Variants in ZNF248 observed in about 807,000 individuals in gnomAD.
The protein encoded by ZNF248 is zinc finger protein 248.
A neutral mutation model predicts 44.3 loss-of-function variants in ZNF248; 20 were observed. The observed-to-expected ratio is 0.45, with a 90% CI of 0.32 to 0.66. ZNF248 has a LOEUF of 0.66. ZNF248 is among the 30% of genes least tolerant of loss of function. The pLI is 0.04. For missense variants in ZNF248, 654 were observed against 677.0 expected (o/e 0.97, Z 0.38); for synonymous variants, 224 against 229.0 (o/e 0.98, Z 0.20).
chr10:37,785,571 T>G (rs1046996665), intron 6 of ZNF248, among the ~76,000 whole-genome samples: 1 of 152,216 alleles, frequency 6.6e-6, no homozygotes, highest in Non-Finnish European at 1.5e-5. Flanking sequence ...CAGAGTTCAA[T>G]AGAGATCTTT....
At chr10:37,763,751 C>T in the ZNF248 span, among the ~76,000 whole-genome samples, 6 of 152,300 alleles carry the variant, frequency 3.9e-5, no homozygotes, top group Middle Eastern at 3.4e-3. Context: ...GGCAGAAGAA[C>T]ATAAATTGTG....
At chr10:37,785,586 C>T (rs1188021205) in intron 6 of ZNF248, among the ~76,000 whole-genome samples, 2 of 152,186 alleles carry the variant, frequency 1.3e-5, no homozygotes, top group Non-Finnish European at 2.9e-5. Flanking sequence ...ATCTTTCTCT[C>T]TCAGCCAAGA....
chr10:37,817,328 T>A (rs1160992971), intron 6 of ZNF248, among the ~76,000 whole-genome samples: 2 of 151,946 alleles, frequency 1.3e-5, no homozygotes, highest in Non-Finnish European at 2.9e-5. Context: ...AAGAACCACT[T>A]CCAAAGACCT....
intron 3 of ZNF248, among the ~76,000 whole-genome samples, chr10:37,839,221 G>C (rs771161712): frequency 6.6e-6 from 1 of 152,176 alleles, no homozygotes; most frequent in Non-Finnish European, 1.5e-5. Context: ...TTTTACGTGC[G>C]TTGTCACATG....
rs560233984 is a variant in ZNF248 at position 37,800,165 on chromosome 10, T to C, written c.331-23590A>G. 1.1e-4 allele frequency among the ~76,000 whole-genome samples: 16 copies of C among 152,316 alleles called. No homozygotes were observed. In the South Asian group the frequency reaches 2.9e-3, roughly 28 times the overall value. On this transcript the variant is annotated intron_variant, in intron 6 of 6. Transcript: ENST00000615949. ...GGGGTACATGTACGGGTTTGTTATA[T>C]AGGTAAGTTGCATGTCATGAAGATT...
intron 6 of ZNF248, chr10:37,818,896 G>C: frequency 9.3e-7 from 1 of 1,078,474 alleles, no homozygotes; most frequent in Non-Finnish European, 1.4e-6. Context: ...CTTCCCTCCA[G>C]AAAGACACTG....
chr10:37,820,290 G>A, intron 6 of ZNF248: 1 of 1,384,948 alleles, frequency 7.2e-7, no homozygotes, highest in Non-Finnish European at 1.0e-6. Context: ...AGATCTCATA[G>A]ATGAGGGACT....
intron 6 of ZNF248, chr10:37,820,728 A>C: frequency 7.6e-7 from 1 of 1,321,734 alleles, no homozygotes; most frequent in Non-Finnish European, 1.1e-6. Context: ...CCCATGCTGC[A>C]CAAGCTCTGG....
the ZNF248 span, among the ~76,000 whole-genome samples, chr10:37,764,978 T>C: frequency 2.0e-5 from 3 of 152,108 alleles, no homozygotes; most frequent in Non-Finnish European, 2.9e-5. Flanking sequence ...TTTTTCTTTT[T>C]TTGAGAGAAT....
intron 3 of ZNF248, among the ~76,000 whole-genome samples, chr10:37,842,889 T>G (rs1165436537): frequency 6.6e-6 from 1 of 152,124 alleles, no homozygotes; most frequent in East Asian, 1.9e-4. Context: ...ATACAAGCTT[T>G]AAGAAGATCA....
chr10:37,839,058 G>A (rs988390262), intron 3 of ZNF248, among the ~76,000 whole-genome samples: 1 of 152,164 alleles, frequency 6.6e-6, no homozygotes, highest in Non-Finnish European at 1.5e-5. Context: ...CACTAAGCCT[G>A]AGCTATAACC....
chr10:37,831,418 T>G lies in ZNF248; in HGVS notation c.*197A>C, dbSNP rs1337470540. The stretch of plus-strand genomic sequence containing the variant: ...ACAACATAAATTCCAGATAAATATT[T>G]TCACCATATTACTTAGATGAATAGA... On this transcript the variant is annotated 3_prime_UTR_variant, in exon 6 of 6. Coordinates refer to ENST00000395867, the MANE Select transcript of ZNF248 (RefSeq NM_021045.3). 3.3e-6 allele frequency: 5 copies of G among 1,511,196 alleles called. No homozygotes were observed. Among genetic ancestry groups the G allele is most frequent in the Non-Finnish European group, 4.4e-6 (5 of 1,130,208 alleles). 93.6% of individuals were successfully genotyped at this position (1,511,196 alleles called of 1,614,324 possible). A position where few individuals can be genotyped will look rare whatever the true frequency, so the allele number is the denominator to read the frequency against.
downstream of ZNF248, among the ~76,000 whole-genome samples, chr10:37,773,646 G>A (rs1255829982): frequency 6.6e-6 from 1 of 152,110 alleles, no homozygotes; most frequent in Non-Finnish European, 1.5e-5. Context: ...CCCTCTCCTT[G>A]GCTTACAGGT....
intron 5 of ZNF248, among the ~76,000 whole-genome samples, chr10:37,835,969 G>A (rs1168284240): frequency 1.3e-5 from 2 of 152,118 alleles, no homozygotes; most frequent in African/African-American, 4.8e-5. Flanking sequence ...TTAAATCTGT[G>A]ATAACTCCCT....
chr10:37,857,994 C>G (rs1037500139), upstream of ZNF248: 2 of 152,306 alleles, frequency 1.3e-5, no homozygotes, highest in African/African-American at 4.8e-5. Context: ...GCCCAGTGCT[C>G]CGGGGCTCAC....
chr10:37,821,173 G>A (rs944194505), intron 6 of ZNF248, among the ~76,000 whole-genome samples: 1 of 151,738 alleles, frequency 6.6e-6, no homozygotes, highest in African/African-American at 2.4e-5. Flanking sequence ...AAAGCACAGA[G>A]TTTTGTCTGT....
chr10:37,791,004 A>C (rs2048465703), intron 6 of ZNF248, among the ~76,000 whole-genome samples: 1 of 142,770 alleles, frequency 7.0e-6, no homozygotes, highest in Admixed American at 7.1e-5. Flanking sequence ...GGGCTGAAAA[A>C]TGGTCTATGT....
intron 6 of ZNF248, among the ~76,000 whole-genome samples, chr10:37,780,636 C>A (rs1477684028): frequency 6.6e-6 from 1 of 152,200 alleles, no homozygotes; most frequent in Non-Finnish European, 1.5e-5. Context: ...AATTCACACC[C>A]AGCTCAGCCT....
At chr10:37,801,636 A>C (rs1420832489) in intron 6 of ZNF248, among the ~76,000 whole-genome samples, 1 of 152,166 alleles carries the variant, frequency 6.6e-6, no homozygotes, top group Admixed American at 6.5e-5. Flanking sequence ...AAAACCCATA[A>C]ATATAGGATA....
Sources: allele counts gnomAD v4.1 joint callset (sites outside exome capture counted in the v4.1 genomes callset), GRCh38; gene constraint gnomAD v4.1.1; transcripts MANE v1.5; gene names NCBI Gene and HGNC (gene_info 2026-07-23, HGNC 2026-07-21).